LHX8: variants seen among roughly 807,000 people sequenced by gnomAD.
LHX8 encodes LIM/homeobox protein Lhx8.
Under a neutral mutation model 40.3 loss-of-function variants are expected in LHX8, and 12 were observed. The observed-to-expected ratio is 0.30, with a 90% confidence interval of 0.19 to 0.48. The LOEUF (loss-of-function observed/expected upper bound fraction) is 0.48. LHX8 is among the 20% of genes least tolerant of loss of function. The probability of loss-of-function intolerance (pLI) is 0.99; values close to 1 mark genes in which losing one functional copy is unlikely to be tolerated. For missense variants in LHX8, 344 were observed against 433.7 expected (o/e 0.79, Z 1.84); for synonymous variants, 179 against 162.0 (o/e 1.10, Z -0.80).
the LHX8 span, among the ~76,000 whole-genome samples, chr1:75,187,504 A>G: frequency 1.3e-5 from 2 of 152,188 alleles, no homozygotes; most frequent in Non-Finnish European, 2.9e-5. Flanking sequence ...GGGTCTTGTG[A>G]GGAAAGTATT....
At chr1:75,179,502 G>GTTTTTTTTTTTTTTTTTTTTTTTTT in the LHX8 span, among the ~76,000 whole-genome samples, 1 of 108,482 alleles carries the variant, frequency 9.2e-6, no homozygotes, top group African/African-American at 3.4e-5. Context: ...AACCCCTGTT[G>GTTTTTTTTTTTTTTTTTTTTTTTTT]TTTTTTTTTT....
the LHX8 span, among the ~76,000 whole-genome samples, chr1:75,193,351 T>C: frequency 3.3e-5 from 5 of 152,174 alleles, no homozygotes; most frequent in South Asian, 2.1e-4. Flanking sequence ...CCAGTTCTCT[T>C]TTGACCTTGC....
At chr1:75,148,037 A>G (rs1460489074) in intron 6 of LHX8, among the ~76,000 whole-genome samples, 1 of 152,190 alleles carries the variant, frequency 6.6e-6, no homozygotes, top group Non-Finnish European at 1.5e-5. Flanking sequence ...GTAAATTCTT[A>G]TTCAGTGGAC....
chr1:75,187,684 T>C, the LHX8 span, among the ~76,000 whole-genome samples: 1 of 152,044 alleles, frequency 6.6e-6, no homozygotes, highest in Non-Finnish European at 1.5e-5. Context: ...GGAGAAGAAA[T>C]GCTGTTGTGA....
At chr1:75,152,695 A>G (rs1648642097) in intron 7 of LHX8, among the ~76,000 whole-genome samples, 1 of 152,208 alleles carries the variant, frequency 6.6e-6, no homozygotes, top group Non-Finnish European at 1.5e-5. Flanking sequence ...CCTTTATACA[A>G]ACATGAAATC....
the LHX8 span, among the ~76,000 whole-genome samples, chr1:75,173,453 G>A: frequency 2.2e-5 from 3 of 134,346 alleles, no homozygotes; most frequent in Admixed American, 9.0e-5. Flanking sequence ...GCACGATCTC[G>A]ACTCACTGTA....
chr1:75,173,654 T>G, the LHX8 span, among the ~76,000 whole-genome samples: 1 of 152,080 alleles, frequency 6.6e-6, no homozygotes, highest in Non-Finnish European at 1.5e-5. Flanking sequence ...AATGCTGGGA[T>G]TACAGGCGTG....
At chr1:75,161,670 A>C (rs927723718), downstream of LHX8, 3 of 45,846 alleles carry the variant, frequency 6.5e-5, no homozygotes, top group African/African-American at 1.3e-4. Flanking sequence ...CATATTATTC[A>C]AAAAAAAAAA....
intron 6 of LHX8, among the ~76,000 whole-genome samples, chr1:75,145,254 G>C (rs960192412): frequency 5.3e-5 from 8 of 152,052 alleles, no homozygotes; most frequent in Non-Finnish European, 1.0e-4. Flanking sequence ...GAGTACTTCT[G>C]AAAGACCTGG....
intron 8 of LHX8, 96 bp downstream of exon 8, chr1:75,157,172 T>G (rs528909518): frequency 2.9e-4 from 400 of 1,360,834 alleles, no homozygotes; most frequent in Non-Finnish European, 4.0e-4. Flanking sequence ...TTTGAAATAT[T>G]ACCTCAGTAG....
intron 5 of LHX8, 21 bp from the exon 6 acceptor site, chr1:75,143,824 T>TA: frequency 1.3e-6 from 2 of 1,550,604 alleles, no homozygotes; most frequent in East Asian, 2.2e-5. Flanking sequence ...CCAACATATA[T>TA]AGTGTGTTTT....
chr1:75,178,714 G>A, the LHX8 span, among the ~76,000 whole-genome samples: 1 of 152,102 alleles, frequency 6.6e-6, no homozygotes, highest in Non-Finnish European at 1.5e-5. Context: ...CCTTCTGCTA[G>A]CTTTTGAATG....
At chr1:75,170,901 C>G in the LHX8 span, among the ~76,000 whole-genome samples, 57 of 152,200 alleles carry the variant, frequency 3.7e-4, no homozygotes, top group African/African-American at 1.3e-3. Context: ...TTAAAGTACA[C>G]TATATTTACT....
the LHX8 span, among the ~76,000 whole-genome samples, chr1:75,175,982 A>G: frequency 6.6e-6 from 1 of 152,112 alleles, no homozygotes; most frequent in Non-Finnish European, 1.5e-5. Flanking sequence ...TCATCCATGT[A>G]GCTACAAAGG....
chr1:75,141,966 C>T (rs1526514), intron 4 of LHX8, among the ~76,000 whole-genome samples: 140,510 of 152,136 alleles, frequency 0.92, 64,916 homozygotes, highest in East Asian at 0.98. Flanking sequence ...TGCTAGGTAA[C>T]TTAAAGTAAT....
chr1:75,156,798 T>A (rs1648779754), intron 7 of LHX8, 95 bp from the exon 8 acceptor site: 1 of 1,068,488 alleles, frequency 9.4e-7, no homozygotes, highest in South Asian at 1.3e-5. Flanking sequence ...TGTGGTAGTG[T>A]GATTGAGGTT....
At chr1:75,135,087 T>TCAGGGCAGGCAA in intron 1 of LHX8, 133 bp downstream of exon 1, 1 of 214,754 alleles carries the variant, frequency 4.7e-6, no homozygotes, top group Non-Finnish European at 8.0e-6. Context: ...GACACTTGCC[T>TCAGGGCAGGCAA]GCCCTGAGGC....
intron 4 of LHX8, 128 bp from the exon 5 acceptor site, chr1:75,142,990 C>T: frequency 1.3e-6 from 1 of 743,694 alleles, no homozygotes; most frequent in Non-Finnish European, 2.3e-6. Flanking sequence ...ATTCTTGTTT[C>T]ATTCTCACAA....
chr1:75,130,368 C>A (rs1325420800), upstream of LHX8: 6 of 432,458 alleles, frequency 1.4e-5, no homozygotes, highest in Admixed American at 2.0e-4. Context: ...TCCTCCAGAA[C>A]CGCTTGAAAC....
Sources: allele counts gnomAD v4.1 joint callset (sites outside exome capture counted in the v4.1 genomes callset), GRCh38; gene constraint gnomAD v4.1.1; transcripts MANE v1.5; gene names NCBI Gene and HGNC (gene_info 2026-07-23, HGNC 2026-07-21).